DLG2: variants seen among roughly 807,000 people sequenced by gnomAD.
DLG2 encodes disks large homolog 2.
In DLG2, 45 loss-of-function variants were observed where a neutral mutation model predicts 132.5. The ratio of observed to expected loss-of-function variants is 0.34; its 90% CI spans 0.27 to 0.44. The LOEUF is 0.44. Among genes scored for constraint, DLG2 ranks in the 20% least tolerant of loss-of-function variants. The pLI, the probability that DLG2 is intolerant of heterozygous loss-of-function variation, is 1.00. For missense variants in DLG2, 1,045 were observed against 1,196.9 expected (o/e 0.87, Z 1.87); for synonymous variants, 424 against 419.6 (o/e 1.01, Z -0.13).
At chr11:84,703,351 G>C (rs1169781315) in intron 6 of DLG2, among the ~76,000 whole-genome samples, 1 of 151,628 alleles carries the variant, frequency 6.6e-6, no homozygotes, top group South Asian at 2.1e-4. Flanking sequence ...ACCCTGACTT[G>C]CTCTAAATGA....
At chr11:85,080,393 GA>G (rs1056978345) in intron 6 of DLG2, among the ~76,000 whole-genome samples, 40 of 152,184 alleles carry the variant, frequency 2.6e-4, no homozygotes, top group African/African-American at 8.7e-4. Flanking sequence ...TTTTGATAAT[GA>G]CAGGTAAAGA....
chr11:84,955,216 C>T (rs2051484975), intron 6 of DLG2: 1 of 152,158 alleles, frequency 6.6e-6, no homozygotes, highest in Non-Finnish European at 1.5e-5. Flanking sequence ...CATAACAGTG[C>T]TCAATAGTAA....
At chr11:85,189,816 G>A (rs1330688110) in intron 4 of DLG2, among the ~76,000 whole-genome samples, 2 of 151,068 alleles carry the variant, frequency 1.3e-5, no homozygotes, top group Non-Finnish European at 2.9e-5. Flanking sequence ...TTTTTTCTTA[G>A]AGACAGGGTC....
At chr11:83,644,914 A>G (rs1185397842) in intron 18 of DLG2, among the ~76,000 whole-genome samples, 1 of 152,158 alleles carries the variant, frequency 6.6e-6, no homozygotes, top group Non-Finnish European at 1.5e-5. Context: ...TTTGACCTCT[A>G]AAACAAAGAT....
intron 6 of DLG2, among the ~76,000 whole-genome samples, chr11:85,017,062 T>A (rs1321034255): frequency 6.6e-6 from 1 of 152,138 alleles, no homozygotes; most frequent in African/African-American, 2.4e-5. Context: ...AAGGGCAGAG[T>A]TGGGTAGTTG....
chr11:84,065,866 C>A (rs559863445), intron 10 of DLG2, among the ~76,000 whole-genome samples: 1 of 152,244 alleles, frequency 6.6e-6, no homozygotes, highest in South Asian at 2.1e-4. Context: ...TACATATATA[C>A]AATGGAATAC....
At chr11:83,691,207 C>A (rs960207657) in intron 18 of DLG2, among the ~76,000 whole-genome samples, 2 of 152,130 alleles carry the variant, frequency 1.3e-5, no homozygotes, top group African/African-American at 2.4e-5. Flanking sequence ...ATTTTTAAGG[C>A]TGAAATATGC....
At chr11:84,601,350 C>T (rs12273005) in intron 6 of DLG2, among the ~76,000 whole-genome samples, 23,029 of 151,964 alleles carry the variant, frequency 0.15, 2,047 homozygotes, top group African/African-American at 0.25. Context: ...AGGAAAAATA[C>T]CCGTGGAAAC....
At chr11:85,508,950 A>G (rs2093996259) in intron 3 of DLG2, among the ~76,000 whole-genome samples, 1 of 152,088 alleles carries the variant, frequency 6.6e-6, no homozygotes, top group African/African-American at 2.4e-5. Context: ...TGAAGCATAT[A>G]AAAAAGTAAT....
rs867209165 is a variant in DLG2 at position 84,242,847 on chromosome 11, A to T, written c.573+8391T>A. ...AGTTAAGCTTTTAAGAGCCATGAGA[A>T]CAGGGATCATGTCTCCATGTGAGCA... On this transcript the variant is annotated intron_variant, in intron 8 of 27. Transcript: ENST00000376104. 4.4e-4 allele frequency among the ~76,000 whole-genome samples: 67 copies of T among 152,300 alleles called. 1 individual carries two copies. Among genetic ancestry groups the T allele is most frequent in the African/African-American group, 1.4e-3 (59 of 41,566 alleles).
At chr11:84,830,961 C>A (rs368715291) in intron 6 of DLG2, among the ~76,000 whole-genome samples, 3 of 108,330 alleles carry the variant, frequency 2.8e-5, no homozygotes, top group African/African-American at 6.8e-5. Context: ...TCCCCCCACC[C>A]CCCCCAGCTC....
chr11:84,626,847 A>ATTTTATTTTATTTTATTTTATT (rs2099623336), intron 6 of DLG2, among the ~76,000 whole-genome samples: 6 of 144,110 alleles, frequency 4.2e-5, no homozygotes, highest in African/African-American at 1.6e-4. Context: ...CATCAATTAC[A>ATTTTATTTTATTTTATTTTATT]TATTTTATTT....
At chr11:85,577,295 G>C (rs1360946550) in intron 3 of DLG2, among the ~76,000 whole-genome samples, 1 of 152,124 alleles carries the variant, frequency 6.6e-6, no homozygotes, top group African/African-American at 2.4e-5. Context: ...GCTCAGGACA[G>C]TATGGCATGA....
At chr11:84,962,684 C>A (rs1043176161) in intron 6 of DLG2, among the ~76,000 whole-genome samples, 62 of 152,254 alleles carry the variant, frequency 4.1e-4, no homozygotes, top group African/African-American at 1.3e-3. Flanking sequence ...CTCCTCTAAT[C>A]CACAGAATTT....
At chr11:84,225,885 A>G (rs2096984971) in intron 8 of DLG2, among the ~76,000 whole-genome samples, 2 of 151,366 alleles carry the variant, frequency 1.3e-5, no homozygotes. Context: ...ATCTCAGCTC[A>G]CTGTAACCTC....
chr11:84,279,781 G>C (rs1286129882), intron 7 of DLG2, among the ~76,000 whole-genome samples: 1 of 152,130 alleles, frequency 6.6e-6, no homozygotes, highest in Non-Finnish European at 1.5e-5. Flanking sequence ...ACACGGGGAG[G>C]GGAACATCAC....
intron 18 of DLG2, among the ~76,000 whole-genome samples, chr11:83,667,841 G>A (rs2075925680): frequency 6.6e-6 from 1 of 151,838 alleles, no homozygotes; most frequent in Admixed American, 6.6e-5. Context: ...AGCTGGGCAT[G>A]GTGGCAGGCG....
chr11:85,025,066 G>A (rs1348183051), intron 6 of DLG2, among the ~76,000 whole-genome samples: 2 of 152,106 alleles, frequency 1.3e-5, no homozygotes, highest in Non-Finnish European at 2.9e-5. Context: ...AGGAGGATTA[G>A]GTGCATGCTT....
chr11:84,077,263 A>G (rs905752600), intron 10 of DLG2, among the ~76,000 whole-genome samples: 2 of 152,136 alleles, frequency 1.3e-5, no homozygotes, highest in African/African-American at 4.8e-5. Context: ...ATCTCATTCT[A>G]GTCTGAGTTT....
Sources: gnomAD v4.1 joint callset for allele counts (sites outside exome capture counted in the v4.1 genomes callset) on GRCh38, gnomAD v4.1.1 for gene constraint, MANE v1.5 for transcripts, NCBI Gene and HGNC (gene_info 2026-07-23, HGNC 2026-07-21) for gene names.